The following TLK2 variants were observed in gnomAD, a reference collection of about 807,000 sequenced individuals.
TLK2 encodes the protein tousled like kinase 2, also known as serine/threonine-protein kinase tousled-like 2.
TLK2 carries 6 observed loss-of-function variants against 117.3 expected under a neutral mutation model. The observed-to-expected ratio is 0.05, with a 90% CI of 0.03 to 0.10. The LOEUF is 0.10. Ranked by LOEUF, TLK2 falls within the 10% of genes least tolerant of loss-of-function variation. The probability of loss-of-function intolerance (pLI) is 1.00; values close to 1 mark genes in which losing one functional copy is unlikely to be tolerated. For synonymous variants in TLK2, 257 were observed against 316.7 expected, an observed-to-expected ratio of 0.81 and a Z score of 2.00; for missense variants, 299 against 901.2, an observed-to-expected ratio of 0.33 and a Z score of 8.56.
At chr17:62,533,616 A>G (rs1182582968) in intron 6 of TLK2, among the ~76,000 whole-genome samples, 1 of 151,828 alleles carries the variant, frequency 6.6e-6, no homozygotes, top group Non-Finnish European at 1.5e-5. Context: ...AGCTGGGACT[A>G]CAGGCATGTG....
chr17:62,502,683 A>C (rs1443539160), intron 2 of TLK2, among the ~76,000 whole-genome samples: 1 of 152,246 alleles, frequency 6.6e-6, no homozygotes, highest in Non-Finnish European at 1.5e-5. Flanking sequence ...GTTAGAATAT[A>C]AATCAATTTG....
At chr17:62,599,537 T>C (rs2082725578) in intron 17 of TLK2, among the ~76,000 whole-genome samples, 1 of 151,210 alleles carries the variant, frequency 6.6e-6, no homozygotes, top group Non-Finnish European at 1.5e-5. Context: ...TGGGAGGGGG[T>C]CTCCACCTCC....
intron 4 of TLK2, among the ~76,000 whole-genome samples, chr17:62,522,928 CT>C (rs1342053584): frequency 6.6e-6 from 1 of 152,168 alleles, no homozygotes; most frequent in African/African-American, 2.4e-5. Context: ...GTGAAAAATT[CT>C]TCCTTTCACT....
In TLK2 at chr17:62,613,131, A is replaced by G. The variant is rs2083913673; in HGVS notation, c.*566A>G. 1 of 152,620 alleles carries G rather than the reference A, an allele frequency of 6.6e-6. No individual in the cohort carries two copies. The highest frequency in any genetic ancestry group is 2.1e-4 in the South Asian group (1 of 4,828). The allele number at this position is 152,620 out of a possible 1,614,324, so 9.5% of individuals were successfully genotyped here. Reference sequence around the variant, plus strand: ...AGTGTTTTATCCCTAAATAATTTCAATTTTTAAAAACATGCAGCTTCCCTC... The same window carrying G: ...AGTGTTTTATCCCTAAATAATTTCAGTTTTTAAAAACATGCAGCTTCCCTC... On this transcript the variant is annotated 3_prime_UTR_variant, in exon 22 of 22. Coordinates refer to ENST00000346027, the MANE Select transcript of TLK2 (RefSeq NM_006852.6).
chr17:62,527,010 A>C (rs1197275694), intron 6 of TLK2, among the ~76,000 whole-genome samples: 1 of 152,152 alleles, frequency 6.6e-6, no homozygotes, highest in Non-Finnish European at 1.5e-5. Context: ...CGTCCACCTG[A>C]TTCTGACATC....
chr17:62,576,058 A>G (rs1328231998), intron 12 of TLK2, among the ~76,000 whole-genome samples: 1 of 152,230 alleles, frequency 6.6e-6, no homozygotes, highest in Non-Finnish European at 1.5e-5. Flanking sequence ...ATGACTACCC[A>G]TCAAGTCAGC....
chr17:62,500,305 T>A (rs2074083644), intron 2 of TLK2, among the ~76,000 whole-genome samples: 1 of 151,258 alleles, frequency 6.6e-6, no homozygotes, highest in African/African-American at 2.4e-5. Flanking sequence ...ATAAAAAAGC[T>A]AAGTATAAAC....
intron 2 of TLK2, chr17:62,516,662 C>T (rs889553562): frequency 5.0e-6 from 8 of 1,609,634 alleles, no homozygotes; most frequent in Admixed American, 1.7e-5. Context: ...TTCTTGTCTG[C>T]CAGCTCCGGG....
intron 16 of TLK2, among the ~76,000 whole-genome samples, chr17:62,596,021 A>G (rs2082454880): frequency 6.6e-6 from 1 of 152,166 alleles, no homozygotes; most frequent in African/African-American, 2.4e-5. Flanking sequence ...ATGAACTTGA[A>G]AGGGATGAAA....
chr17:62,476,004 G>A (rs533090230), upstream of TLK2, among the ~76,000 whole-genome samples: 2 of 150,852 alleles, frequency 1.3e-5, no homozygotes, highest in African/African-American at 2.4e-5. Context: ...TTGAGACAGG[G>A]TCTCACTCTG....
chr17:62,576,653 A>G, intron 12 of TLK2, 56 bp from the exon 13 acceptor site: 1 of 1,370,030 alleles, frequency 7.3e-7, no homozygotes. Flanking sequence ...TTTCTCTTTA[A>G]ACAGGCAAAC....
At chr17:62,552,012 A>G (rs890442800) in intron 7 of TLK2, 10 of 389,932 alleles carry the variant, frequency 2.6e-5, no homozygotes, top group African/African-American at 1.0e-4. Context: ...AAGTTATTAC[A>G]GGAATAACTT....
At chr17:62,576,054 A>G (rs752393414) in intron 12 of TLK2, among the ~76,000 whole-genome samples, 70 of 152,178 alleles carry the variant, frequency 4.6e-4, no homozygotes, top group Non-Finnish European at 8.7e-4. Context: ...ACACATGACT[A>G]CCCATCAAGT....
At chr17:62,577,267 T>A (rs2080877805) in intron 13 of TLK2, among the ~76,000 whole-genome samples, 1 of 152,118 alleles carries the variant, frequency 6.6e-6, no homozygotes, top group African/African-American at 2.4e-5. Flanking sequence ...GCCTGGCCTA[T>A]CTTTGCATTT....
chr17:62,475,873 G>C (rs962839888), upstream of TLK2, among the ~76,000 whole-genome samples: 5 of 151,366 alleles, frequency 3.3e-5, no homozygotes, highest in Admixed American at 6.6e-5. Context: ...TGTTAAGACA[G>C]GATGGTCTCG....
chr17:62,474,556 C>G (rs1189711644), upstream of TLK2, among the ~76,000 whole-genome samples: 1 of 151,470 alleles, frequency 6.6e-6, no homozygotes, highest in African/African-American at 2.4e-5. Flanking sequence ...ACTACAGGTG[C>G]CAGCCACCAC....
intron 16 of TLK2, among the ~76,000 whole-genome samples, chr17:62,587,515 G>A (rs942493396): frequency 6.6e-6 from 1 of 152,174 alleles, no homozygotes; most frequent in Non-Finnish European, 1.5e-5. Context: ...CTGGTCCAAG[G>A]CAACTCTTGC....
chr17:62,484,799 GTAA>G (rs1171834530), intron 2 of TLK2, among the ~76,000 whole-genome samples: 2 of 152,030 alleles, frequency 1.3e-5, no homozygotes, highest in African/African-American at 4.8e-5. Flanking sequence ...GCTCACGCCT[GTAA>G]TCCCAGCACT....
At chr17:62,578,663 G>T in intron 14 of TLK2, 89 bp downstream of exon 14, 1 of 994,306 alleles carries the variant, frequency 1.0e-6, no homozygotes, top group Non-Finnish European at 1.5e-6. Context: ...TTTGCTTAAT[G>T]TAAGTTACAT....
Sources: allele counts gnomAD v4.1 joint callset (sites outside exome capture counted in the v4.1 genomes callset), GRCh38; gene constraint gnomAD v4.1.1; transcripts MANE v1.5; gene names NCBI Gene and HGNC (gene_info 2026-07-23, HGNC 2026-07-21).